The following CHST9 variants were observed in gnomAD, a reference collection of about 807,000 sequenced individuals.
CHST9 encodes the protein GalNAc-4-sulfotransferase 2.
A neutral mutation model predicts 44.4 loss-of-function variants in CHST9; 41 were observed. That is an observed-to-expected ratio of 0.92 (90% CI 0.72 to 1.20). CHST9 has a LOEUF of 1.20. CHST9 is among the 50% of genes most tolerant of loss of function. The probability of loss-of-function intolerance (pLI) is 0.00; values close to 1 mark genes in which losing one functional copy is unlikely to be tolerated. For synonymous variants in CHST9, 171 were observed against 178.4 expected (o/e 0.96, Z 0.33); for missense variants, 504 against 516.5 (o/e 0.98, Z 0.23).
chr18:27,041,515 C>T (rs2057444751), intron 3 of CHST9, among the ~76,000 whole-genome samples: 1 of 152,098 alleles, frequency 6.6e-6, no homozygotes, highest in Non-Finnish European at 1.5e-5. Flanking sequence ...AAGCATGTTT[C>T]CAGTCTCAAC....
At chr18:26,936,994 AAG>A (rs535297219) in intron 5 of CHST9, among the ~76,000 whole-genome samples, 120 of 152,340 alleles carry the variant, frequency 7.9e-4, no homozygotes, top group African/African-American at 2.6e-3. Flanking sequence ...AAGAACTTGT[AAG>A]AGAGTTTTTA....
At chr18:27,097,320 G>C (rs78171856) in intron 2 of CHST9, among the ~76,000 whole-genome samples, 4,115 of 152,060 alleles carry the variant, frequency 0.027, 177 homozygotes, top group African/African-American at 0.093. Flanking sequence ...AACCATTTCC[G>C]TGGAGAACTG....
intron 2 of CHST9, among the ~76,000 whole-genome samples, chr18:27,104,076 C>T (rs1167894935): frequency 1.3e-5 from 2 of 152,082 alleles, no homozygotes; most frequent in African/African-American, 4.8e-5. Context: ...TTAAAAAAGC[C>T]ATTACCTGCT....
intron 2 of CHST9, among the ~76,000 whole-genome samples, chr18:27,121,480 A>G (rs551703564): frequency 3.3e-5 from 5 of 152,168 alleles, no homozygotes; most frequent in Non-Finnish European, 7.3e-5. Context: ...CAATCAGAAT[A>G]TTTATTTCTG....
At chr18:27,038,325 C>T (rs1248571836) in intron 3 of CHST9, among the ~76,000 whole-genome samples, 4 of 152,132 alleles carry the variant, frequency 2.6e-5, no homozygotes, top group Non-Finnish European at 4.4e-5. Context: ...GTGGGCAGAT[C>T]ACTTGAAGTC....
At chr18:27,053,275 A>AAGAAGAAGAAGAAGAAGAAGAG (rs1568151279) in intron 2 of CHST9, among the ~76,000 whole-genome samples, 11 of 125,720 alleles carry the variant, frequency 8.7e-5, no homozygotes, top group African/African-American at 3.4e-4. Flanking sequence ...AAGGAGAAGG[A>AAGAAGAAGAAGAAGAAGAAGAG]GAAGGAGAAG....
chr18:26,981,069 T>C (rs1035266958), intron 4 of CHST9, among the ~76,000 whole-genome samples: 2 of 152,218 alleles, frequency 1.3e-5, no homozygotes, highest in Admixed American at 1.3e-4. Flanking sequence ...CTTTTTCTTA[T>C]ATTCACATTC....
At chr18:27,068,506 G>A (rs1302126570) in intron 2 of CHST9, among the ~76,000 whole-genome samples, 3 of 152,082 alleles carry the variant, frequency 2.0e-5, no homozygotes, top group African/African-American at 2.4e-5. Context: ...GAAAGATGGC[G>A]ATAACTCTTT....
At chr18:26,937,016 T>C (rs1477224798) in intron 5 of CHST9, among the ~76,000 whole-genome samples, 1 of 152,200 alleles carries the variant, frequency 6.6e-6, no homozygotes, top group African/African-American at 2.4e-5. Flanking sequence ...AGAAGTAACA[T>C]GCTTTTCTAA....
intron 4 of CHST9, among the ~76,000 whole-genome samples, chr18:26,945,021 A>C (rs2056141564): frequency 6.6e-6 from 1 of 152,196 alleles, no homozygotes; most frequent in South Asian, 2.1e-4. Flanking sequence ...AATAGCCTGA[A>C]AGTGATCAAC....
intron 4 of CHST9, 129 bp downstream of exon 4, chr18:27,023,973 ACCTAGGCAGTGCTT>A: frequency 2.6e-6 from 2 of 761,656 alleles, no homozygotes. Context: ...CAAAAATGCC[ACCTAGGCAGTGCTT>A]CCTAGGGATG....
At position 27,003,030 on chromosome 18, in the gene CHST9, G is replaced by A. The variant is rs11873237; in HGVS notation, c.202+21086C>T. 3.8e-3 allele frequency among the ~76,000 whole-genome samples: 582 copies of A among 152,086 alleles called. 3 individuals are homozygous for A. Among genetic ancestry groups the A allele is most frequent in the African/African-American group, 0.014 (566 of 41,498 alleles). On this transcript the variant is annotated intron_variant, in intron 4 of 5. Transcript: ENST00000618847. ...TAGAAATCTTATAATTTGACCTAGC[G>A]CTACATAAATTTAAAAAAGTTAACA...
chr18:27,078,543 G>T (rs1225419982), intron 2 of CHST9, among the ~76,000 whole-genome samples: 1 of 152,058 alleles, frequency 6.6e-6, no homozygotes, highest in East Asian at 1.9e-4. Flanking sequence ...AAACAAGGTT[G>T]TCCTGGTAGA....
chr18:27,024,171 G>A lies in CHST9; in HGVS notation c.161-14C>T. The A allele has an allele frequency of 6.2e-7, 1 of 1,606,704 alleles. No individual in the cohort carries two copies. Reference sequence around the variant, plus strand: ...CTGGTCCCCATCCTGAAAAAGAAGAGGAAAGAAATTCATATATTACCATCA... The same window carrying A: ...CTGGTCCCCATCCTGAAAAAGAAGAAGAAAGAAATTCATATATTACCATCA... On this transcript the variant is annotated splice_polypyrimidine_tract_variant and intron_variant, in intron 3 of 5. Transcript: ENST00000618847.
intron 4 of CHST9, chr18:26,952,365 G>A (rs1161909551): frequency 6.2e-6 from 3 of 480,242 alleles, no homozygotes; most frequent in Non-Finnish European, 1.2e-5. Context: ...CTGGGCAATT[G>A]GGACATCAAC....
chr18:26,927,178 A>T (rs1432857439), intron 5 of CHST9, among the ~76,000 whole-genome samples: 1 of 152,140 alleles, frequency 6.6e-6, no homozygotes, highest in Non-Finnish European at 1.5e-5. Flanking sequence ...GTGAAGAGGA[A>T]GGAACCAGCT....
intron 2 of CHST9, among the ~76,000 whole-genome samples, chr18:27,131,668 A>C (rs9961359): frequency 0.81 from 123,554 of 152,112 alleles, 50,475 homozygotes; most frequent in East Asian, 0.92. Flanking sequence ...CACAACTGAT[A>C]ATCATTAATG....
chr18:27,049,918 G>A (rs1052405474), intron 2 of CHST9, among the ~76,000 whole-genome samples: 3 of 152,166 alleles, frequency 2.0e-5, no homozygotes, highest in South Asian at 2.1e-4. Flanking sequence ...TGCTGCTTTT[G>A]TTTTGTGATG....
At chr18:26,975,705 A>G (rs1476711293) in intron 4 of CHST9, among the ~76,000 whole-genome samples, 7 of 52,964 alleles carry the variant, frequency 1.3e-4, no homozygotes, top group African/African-American at 6.1e-4. Context: ...ATATATGTGT[A>G]TATATGTGTG....
Sources: allele counts gnomAD v4.1 joint callset (sites outside exome capture counted in the v4.1 genomes callset), GRCh38; gene constraint gnomAD v4.1.1; transcripts MANE v1.5; gene names NCBI Gene and HGNC (gene_info 2026-07-23, HGNC 2026-07-21).